The following DNAH17 variants were observed in gnomAD, a reference collection of about 807,000 sequenced individuals.
DNAH17 encodes dynein axonemal heavy chain 17.
Under a neutral mutation model 485.6 loss-of-function variants are expected in DNAH17, and 376 were observed. The ratio of observed to expected loss-of-function variants is 0.77; its 90% CI spans 0.71 to 0.84. The LOEUF is 0.84. Among genes scored for constraint, DNAH17 ranks in the 40% least tolerant of loss-of-function variants. The probability of loss-of-function intolerance (pLI) is 0.00; values close to 1 mark genes in which losing one functional copy is unlikely to be tolerated. For missense variants in DNAH17, 6,370 were observed against 5,839.3 expected, an observed-to-expected ratio of 1.09 and a Z score of -2.96; for synonymous variants, 3,031 against 2,405.9, an observed-to-expected ratio of 1.26 and a Z score of -7.60.
intron 74 of DNAH17, 113 bp from the exon 75 acceptor site, chr17:78,434,333 C>T (rs549765755): frequency 7.9e-4 from 588 of 743,382 alleles, no homozygotes; most frequent in Non-Finnish European, 1.0e-3. Context: ...AGGGTGGGGG[C>T]GGTGGGGGGT....
chr17:78,486,666 G>T (rs1329470935), intron 44 of DNAH17, among the ~76,000 whole-genome samples, 160 bp from the exon 45 acceptor site: 1 of 152,230 alleles, frequency 6.6e-6, no homozygotes, highest in African/African-American at 2.4e-5. Context: ...GGGTGCCAGA[G>T]GGGCCAGTTG....
intron 11 of DNAH17, among the ~76,000 whole-genome samples, chr17:78,564,617 G>A (rs1324315723): frequency 6.6e-6 from 1 of 152,098 alleles, no homozygotes; most frequent in African/African-American, 2.4e-5. Context: ...CACGTGGAAG[G>A]CTTATGCTAG....
At chr17:78,562,815 G>A (rs140924324) in intron 11 of DNAH17, among the ~76,000 whole-genome samples, 116 of 152,334 alleles carry the variant, frequency 7.6e-4, no homozygotes, top group Admixed American at 1.2e-3. Context: ...CAGGAAATGT[G>A]TTTCGCTCTG....
chr17:78,561,466 G>A (rs1304576773), intron 12 of DNAH17, among the ~76,000 whole-genome samples: 3 of 152,138 alleles, frequency 2.0e-5, no homozygotes, highest in African/African-American at 7.2e-5. Flanking sequence ...GTTCCTGCCT[G>A]GGTGGTCTTC....
Position 78,494,668 on chromosome 17 carries a change from G to C in DNAH17, c.6195C>G (p.Pro2065=). 1 of 1,613,914 alleles carries C rather than the reference G, an allele frequency of 6.2e-7. No homozygotes were observed. The highest frequency in any genetic ancestry group is 8.5e-7 in the Non-Finnish European group (1 of 1,179,898). The change falls in exon 40 of 81, where the codon CCC becomes CCG. Residue 2065 remains proline (P), a synonymous_variant. Transcript: ENST00000389840. ...GGTCCCCGATCAGTCCCATGAATAC[G>C]GGCAGGTCGTCTGTCACAATCTTGG... The part of the protein sequence containing the change: ...NIPKIVTDDL[P]VFMGLIGDLF...
At chr17:78,525,196 C>G (rs1481855293) in intron 24 of DNAH17, 35 bp from the exon 25 acceptor site, 1 of 1,601,152 alleles carries the variant, frequency 6.2e-7, no homozygotes, top group East Asian at 2.2e-5. Flanking sequence ...GTAGGGCTAC[C>G]TACCCTCAGC....
At chr17:78,494,234 G>A in intron 40 of DNAH17, 61 bp from the exon 41 acceptor site, 1 of 1,566,550 alleles carries the variant, frequency 6.4e-7, no homozygotes, top group Non-Finnish European at 8.7e-7. Context: ...CTTCTCGCTG[G>A]GAGGCTGGGG....
intron 11 of DNAH17, among the ~76,000 whole-genome samples, chr17:78,565,928 C>A (rs908145035): frequency 1.3e-5 from 2 of 152,016 alleles, no homozygotes; most frequent in Admixed American, 1.3e-4. Flanking sequence ...CCAGCCTGGG[C>A]AACAAGAACA....
intron 17 of DNAH17, among the ~76,000 whole-genome samples, chr17:78,541,413 A>C (rs2091583940): frequency 6.6e-6 from 1 of 150,530 alleles, no homozygotes; most frequent in African/African-American, 2.5e-5. Context: ...GGATGGTTGG[A>C]TGGATGGATG....
intron 16 of DNAH17, 108 bp downstream of exon 16, chr17:78,551,427 C>G: frequency 1.0e-6 from 1 of 962,102 alleles, no homozygotes; most frequent in African/African-American, 1.6e-5. Context: ...GCTCCCACTG[C>G]ACCCCACACA....
rs772825977 is a variant in DNAH17, at chr17:78,486,215, G to A, written c.7101+9C>T. ...CTGTGTGGGTGGCCGGGCCCCCCAG[G>A]TGCATCACCTGGTCCTGGAACATGG... is the stretch of plus-strand genomic sequence containing the variant. On this transcript the variant is annotated intron_variant, in intron 45 of 80. Coordinates refer to ENST00000389840, the MANE Select transcript of DNAH17 (RefSeq NM_173628.4). 1.3e-6 allele frequency: 2 copies of A among 1,587,354 alleles called. No homozygotes were observed. Among genetic ancestry groups the A allele is most frequent in the Admixed American group, 3.4e-5 (2 of 58,192 alleles).
intron 74 of DNAH17, among the ~76,000 whole-genome samples, chr17:78,435,175 C>T (rs2086815769): frequency 1.3e-5 from 2 of 152,260 alleles, no homozygotes; most frequent in East Asian, 1.9e-4. Flanking sequence ...AGGGCGCTGG[C>T]AGTGAACACG....
intron 48 of DNAH17, among the ~76,000 whole-genome samples, chr17:78,481,958 T>C (rs1022743114): frequency 5.9e-5 from 9 of 152,078 alleles, no homozygotes; most frequent in Non-Finnish European, 7.4e-5. Context: ...GAGGCTGCAG[T>C]GAGCCAAGAT....
intron 25 of DNAH17, among the ~76,000 whole-genome samples, chr17:78,523,954 C>T (rs77205862): frequency 0.061 from 9,229 of 152,210 alleles, 384 homozygotes; most frequent in South Asian, 0.13. Context: ...ATGCTGGCAT[C>T]GTTAGTCAGT....
At chr17:78,487,487 G>T (rs1231710509) in intron 44 of DNAH17, among the ~76,000 whole-genome samples, 1 of 152,196 alleles carries the variant, frequency 6.6e-6, no homozygotes, top group African/African-American at 2.4e-5. Context: ...AACACACACA[G>T]CCAGCCTGCC....
intron 44 of DNAH17, among the ~76,000 whole-genome samples, chr17:78,490,381 G>A (rs1385991420): frequency 1.3e-5 from 2 of 152,176 alleles, no homozygotes; most frequent in African/African-American, 2.4e-5. Context: ...CCCTTTGGAT[G>A]GCAGCCCAAA....
chr17:78,424,096 G>T lies in DNAH17; in HGVS notation c.13199C>A (p.Thr4400Asn). The T allele has an allele frequency of 6.2e-7, 1 of 1,613,918 alleles. No individual in the cohort carries two copies. The highest frequency in any genetic ancestry group is 8.5e-7 in the Non-Finnish European group (1 of 1,179,886). ...VIAEARLKEL[T>N]PAMPVIFIKA... is the part of the protein sequence containing the mutation. The stretch of plus-strand genomic sequence containing the variant: ...GATGAAGATGACAGGCATGGCCGGG[G>T]TCAGCTCTTTCAGCCGCGCTTCAGC... Residue 4400 changes from threonine (T) to asparagine (N), a missense_variant, in exon 81 of 81, where the codon ACC becomes AAC. Physicochemically the swap from Thr to Asn is moderately conservative, Grantham distance 65. Coordinates refer to ENST00000389840, the MANE Select transcript of DNAH17 (RefSeq NM_173628.4).
At chr17:78,480,312 G>C (rs2089295099) in intron 49 of DNAH17, among the ~76,000 whole-genome samples, 1 of 152,012 alleles carries the variant, frequency 6.6e-6, no homozygotes, top group South Asian at 2.1e-4. Context: ...TCACACCATT[G>C]CACTCCAGCC....
chr17:78,424,152 C>A lies in DNAH17; in HGVS notation c.13143G>T (p.Gly4381=). The change falls in exon 81 of 81, where the codon GGG becomes GGT. Residue 4381 remains glycine, a splice_region_variant and synonymous_variant. Coordinates refer to ENST00000389840, the MANE Select transcript of DNAH17 (RefSeq NM_173628.4). ...CTCCAGTCTGGGTGTCCCAGCGAGC[C>A]CCTGCAGGGACAGTATGGCTGAGGG... ...GSYVYGLFME[G]ARWDTQTGVI... 2 of 1,609,648 alleles carry A rather than the reference C, an allele frequency of 1.2e-6. No homozygotes were observed. The highest frequency in any genetic ancestry group is 1.7e-4 in the Middle Eastern group (1 of 6,048).
Sources: allele counts gnomAD v4.1 joint callset (sites outside exome capture counted in the v4.1 genomes callset), GRCh38; gene constraint gnomAD v4.1.1; transcripts MANE v1.5; gene names NCBI Gene and HGNC (gene_info 2026-07-23, HGNC 2026-07-21).